Variants in SYT14 observed in about 807,000 individuals in gnomAD.
SYT14 encodes synaptotagmin 14.
A neutral mutation model predicts 74.2 loss-of-function variants in SYT14; 32 were observed. The observed-to-expected ratio is 0.43, with a 90% confidence interval of 0.33 to 0.58. The LOEUF (loss-of-function observed/expected upper bound fraction) is 0.58, where lower values mean the gene tolerates loss of function less well. Among genes scored for constraint, SYT14 ranks in the 20% least tolerant of loss-of-function variants. The probability of loss-of-function intolerance (pLI) is 0.05; values close to 1 mark genes in which losing one functional copy is unlikely to be tolerated. For synonymous variants in SYT14, 298 were observed against 337.7 expected (o/e 0.88, Z 1.29); for missense variants, 791 against 981.8 (o/e 0.81, Z 2.60).
At chr1:210,152,298 A>G (rs1572386818) in intron 7 of SYT14, among the ~76,000 whole-genome samples, 2 of 152,344 alleles carry the variant, frequency 1.3e-5, no homozygotes, top group South Asian at 4.1e-4. Flanking sequence ...TTCAGGCTCC[A>G]GGTATGTATT....
At chr1:210,052,665 C>CAAAAAAAAAAAAAAAA (rs561069342) in intron 5 of SYT14, among the ~76,000 whole-genome samples, 1,574 of 42,104 alleles carry the variant, frequency 0.037, 260 homozygotes, top group Non-Finnish European at 0.046. Flanking sequence ...TACATCTCAC[C>CAAAAAAAAAAAAAAAA]AAAAAAAAAA....
intron 1 of SYT14, among the ~76,000 whole-genome samples, chr1:209,942,153 T>A (rs2078740947): frequency 6.6e-6 from 1 of 152,180 alleles, no homozygotes; most frequent in South Asian, 2.1e-4. Flanking sequence ...ATGCATTGTT[T>A]CGTGGAATTC....
At chr1:210,144,941 A>G (rs1173259176) in intron 7 of SYT14, among the ~76,000 whole-genome samples, 1 of 152,144 alleles carries the variant, frequency 6.6e-6, no homozygotes, top group Non-Finnish European at 1.5e-5. Flanking sequence ...GCAACCCAAT[A>G]TGTGTCAGCA....
At chr1:210,115,343 CAG>C (rs1418100024) in intron 7 of SYT14, among the ~76,000 whole-genome samples, 1 of 150,168 alleles carries the variant, frequency 6.7e-6, no homozygotes, top group Non-Finnish European at 1.5e-5. Context: ...GGTAGAGACA[CAG>C]AGAGAAGGGT....
chr1:210,005,181 C>T (rs2079967774), intron 2 of SYT14, among the ~76,000 whole-genome samples: 1 of 151,916 alleles, frequency 6.6e-6, no homozygotes, highest in African/African-American at 2.4e-5. Context: ...ATGGATCAGG[C>T]TTAGTAGGGG....
intron 7 of SYT14, among the ~76,000 whole-genome samples, chr1:210,119,010 A>G (rs1478132349): frequency 6.6e-6 from 1 of 152,200 alleles, no homozygotes; most frequent in Non-Finnish European, 1.5e-5. Flanking sequence ...TTTGTACTCA[A>G]AATCTTGACA....
chr1:209,978,702 T>A (rs1211701345), intron 2 of SYT14, among the ~76,000 whole-genome samples: 1 of 152,190 alleles, frequency 6.6e-6, no homozygotes, highest in Non-Finnish European at 1.5e-5. Context: ...TCCAGCTGCG[T>A]GCTGGGAGAA....
intron 7 of SYT14, among the ~76,000 whole-genome samples, chr1:210,102,521 G>A (rs1048098057): frequency 6.6e-5 from 10 of 152,008 alleles, no homozygotes; most frequent in Admixed American, 2.6e-4. Context: ...ATATACTATA[G>A]TATTAATGTT....
At chr1:210,086,989 C>T (rs2081747177) in intron 5 of SYT14, among the ~76,000 whole-genome samples, 1 of 152,226 alleles carries the variant, frequency 6.6e-6, no homozygotes, top group Admixed American at 6.5e-5. Flanking sequence ...TGCACACATG[C>T]CCCCTTCACT....
intron 2 of SYT14, among the ~76,000 whole-genome samples, chr1:209,997,517 A>G (rs566106760): frequency 2.0e-4 from 30 of 152,170 alleles, no homozygotes; most frequent in Non-Finnish European, 3.4e-4. Flanking sequence ...GGAAGAATTA[A>G]TATCGTTAAA....
chr1:210,032,739 C>CTTT (rs142719944), intron 5 of SYT14, among the ~76,000 whole-genome samples: 1 of 150,728 alleles, frequency 6.6e-6, no homozygotes, highest in Non-Finnish European at 1.5e-5. Context: ...TATATCAATT[C>CTTT]TGTTTTTTTA....
At chr1:210,038,924 G>A (rs990684100) in intron 5 of SYT14, among the ~76,000 whole-genome samples, 5 of 151,908 alleles carry the variant, frequency 3.3e-5, no homozygotes, top group African/African-American at 1.2e-4. Flanking sequence ...AGAGTTTTCC[G>A]AGTCTCTTGT....
At chr1:210,129,460 G>T (rs2102634180) in intron 7 of SYT14, among the ~76,000 whole-genome samples, 1 of 152,296 alleles carries the variant, frequency 6.6e-6, no homozygotes, top group Non-Finnish European at 1.5e-5. Context: ...TGGAGCTGCT[G>T]GTTGGTCGGT....
At chr1:209,981,333 T>C (rs2079480484) in intron 2 of SYT14, among the ~76,000 whole-genome samples, 1 of 152,198 alleles carries the variant, frequency 6.6e-6, no homozygotes, top group Non-Finnish European at 1.5e-5. Context: ...ATTTTCTTAG[T>C]GCTTGCTTGG....
Position 210,010,587 on chromosome 1 carries a change from A to C in SYT14, c.-485-3046A>C, listed in dbSNP as rs956486803. Among the ~76,000 whole-genome samples, 7 of 152,310 alleles carry C rather than the reference A, an allele frequency of 4.6e-5. No homozygotes were observed. In the East Asian group the frequency reaches 1.3e-3, roughly 29 times the overall value. On this transcript the variant is annotated intron_variant, in intron 2 of 9. Coordinates refer to ENST00000637265, the Ensembl canonical transcript of SYT14. The stretch of plus-strand genomic sequence containing the variant: ...CTCAGGTAGTGCTTCTTTGTGCTCC[A>C]GTAATAATTTATAGTAATATCTCTA...
chr1:210,058,821 A>T (rs1266479978), intron 5 of SYT14, among the ~76,000 whole-genome samples: 1 of 152,148 alleles, frequency 6.6e-6, no homozygotes, highest in African/African-American at 2.4e-5. Flanking sequence ...AGAGGGGAAA[A>T]TGTTCCCGAA....
At chr1:209,955,379 G>A (rs531638315) in intron 2 of SYT14, among the ~76,000 whole-genome samples, 14 of 152,200 alleles carry the variant, frequency 9.2e-5, no homozygotes, top group African/African-American at 2.6e-4. Flanking sequence ...ACCCAGTTAC[G>A]CAACTCCTAA....
intron 5 of SYT14, among the ~76,000 whole-genome samples, chr1:210,024,212 T>A (rs1389040102): frequency 2.0e-5 from 3 of 152,202 alleles, no homozygotes; most frequent in African/African-American, 7.2e-5. Flanking sequence ...AGTTTTTTAC[T>A]AAGGAACCAT....
At chr1:210,024,422 A>G (rs2080366809) in intron 5 of SYT14, among the ~76,000 whole-genome samples, 1 of 152,186 alleles carries the variant, frequency 6.6e-6, no homozygotes, top group Non-Finnish European at 1.5e-5. Flanking sequence ...ATGTGTTTGG[A>G]ACATTTGGAA....
Sources: gnomAD v4.1 joint callset for allele counts (sites outside exome capture counted in the v4.1 genomes callset) on GRCh38, gnomAD v4.1.1 for gene constraint, MANE v1.5 for transcripts, NCBI Gene and HGNC (gene_info 2026-07-23, HGNC 2026-07-21) for gene names.